Variants in PLEKHA5 observed in about 807,000 individuals in gnomAD.
PLEKHA5 encodes pleckstrin homology domain containing A5, also known as pleckstrin homology domain-containing family A member 5.
Under a neutral mutation model 181.9 loss-of-function variants are expected in PLEKHA5, and 55 were observed. The observed-to-expected ratio is 0.30, with a 90% CI of 0.24 to 0.38. PLEKHA5 has a LOEUF of 0.38. PLEKHA5 is among the 10% of genes least tolerant of loss of function. The pLI, the probability that PLEKHA5 is intolerant of heterozygous loss-of-function variation, is 1.00. For missense variants in PLEKHA5, 1,432 were observed against 1,549.5 expected (o/e 0.92, Z 1.27); for synonymous variants, 535 against 529.4 (o/e 1.01, Z -0.15).
intron 26 of PLEKHA5, among the ~76,000 whole-genome samples, chr12:19,356,218 A>G (rs1236275985): frequency 2.0e-5 from 3 of 151,790 alleles, no homozygotes; most frequent in Non-Finnish European, 2.9e-5. Context: ...AAGCAGAAAG[A>G]TACTAGCAGG....
intron 3 of PLEKHA5, among the ~76,000 whole-genome samples, chr12:19,230,359 C>T (rs900295441): frequency 8.4e-4 from 128 of 152,326 alleles, no homozygotes; most frequent in African/African-American, 3.0e-3. Context: ...GCCGTGCGCC[C>T]GCACTCCTCA....
intron 25 of PLEKHA5, among the ~76,000 whole-genome samples, chr12:19,351,191 C>T (rs934080478): frequency 6.6e-6 from 1 of 152,094 alleles, no homozygotes; most frequent in Non-Finnish European, 1.5e-5. Context: ...CTGCCTCAGC[C>T]TCCCAGAGTG....
At chr12:19,238,687 CA>C (rs1420947600) in intron 3 of PLEKHA5, among the ~76,000 whole-genome samples, 1 of 147,072 alleles carries the variant, frequency 6.8e-6, no homozygotes, top group Non-Finnish European at 1.5e-5. Flanking sequence ...ACATTTTAAA[CA>C]AAGATGTTTT....
At chr12:19,230,615 A>G (rs1045246413) in intron 3 of PLEKHA5, among the ~76,000 whole-genome samples, 5 of 152,150 alleles carry the variant, frequency 3.3e-5, no homozygotes, top group African/African-American at 1.2e-4. Context: ...TAAGCCCCTC[A>G]CTGCCTGGGG....
chr12:19,175,302 T>A (rs1485565950), intron 3 of PLEKHA5, among the ~76,000 whole-genome samples: 7 of 152,234 alleles, frequency 4.6e-5, no homozygotes, highest in Non-Finnish European at 1.5e-5. Context: ...TGAGTTGAAC[T>A]TGCATATTGT....
At chr12:19,228,571 G>GT (rs1449383663) in intron 3 of PLEKHA5, among the ~76,000 whole-genome samples, 5 of 152,168 alleles carry the variant, frequency 3.3e-5, no homozygotes, top group African/African-American at 9.7e-5. Context: ...TGAGGAAGAT[G>GT]TTATTAGACC....
intron 15 of PLEKHA5, among the ~76,000 whole-genome samples, chr12:19,297,578 C>T (rs1343834112): frequency 1.4e-5 from 2 of 146,676 alleles, no homozygotes; most frequent in East Asian, 2.0e-4. Flanking sequence ...GCCGAGATTG[C>T]GCCACTGCAG....
chr12:19,368,350 T>C (rs2095488797), intron 30 of PLEKHA5, among the ~76,000 whole-genome samples: 2 of 152,144 alleles, frequency 1.3e-5, no homozygotes, highest in Middle Eastern at 6.8e-3. Context: ...TTTTAAAAAA[T>C]TAGCCGGATG....
In PLEKHA5 at chr12:19,130,010, C is replaced by T. The variant is rs759405235; in HGVS notation, c.90-41C>T. On this transcript the variant is annotated intron_variant, in intron 1 of 31. Transcript: ENST00000429027. This position sits in a 1 kb window ranked among gnomAD's most constrained non-coding sequence, Gnocchi z 4.5. The stretch of plus-strand genomic sequence containing the variant: ...AGCCCCTCGGCTCGCCCCCGCGTCC[C>T]CTCTCACGCTCCGTGTCTGCCCCTT... The T allele has an allele frequency of 4.6e-6, 7 of 1,512,934 alleles. No individual in the cohort carries two copies. Among genetic ancestry groups the T allele is most frequent in the South Asian group, 1.2e-5 (1 of 83,542 alleles). The allele number at this position is 1,512,934 out of a possible 1,614,324, so 93.7% of individuals were successfully genotyped here.
chr12:19,181,779 C>CA (rs1342493394), intron 3 of PLEKHA5, among the ~76,000 whole-genome samples: 2 of 152,006 alleles, frequency 1.3e-5, no homozygotes, highest in East Asian at 1.9e-4. Flanking sequence ...GACTCTGACT[C>CA]AAAAAAAGCC....
At chr12:19,187,660 G>C (rs2050165799) in intron 3 of PLEKHA5, among the ~76,000 whole-genome samples, 1 of 152,182 alleles carries the variant, frequency 6.6e-6, no homozygotes, top group Admixed American at 6.5e-5. Context: ...GATCTTTTTA[G>C]TGTGGAAGGG....
At chr12:19,273,118 C>T (rs541983848) in intron 10 of PLEKHA5, among the ~76,000 whole-genome samples, 10 of 152,130 alleles carry the variant, frequency 6.6e-5, no homozygotes, top group East Asian at 1.9e-4. Flanking sequence ...CATTTTGGCC[C>T]GGCTGGTCTC....
At chr12:19,214,673 A>G (rs1392048113) in intron 3 of PLEKHA5, among the ~76,000 whole-genome samples, 1 of 152,088 alleles carries the variant, frequency 6.6e-6, no homozygotes, top group African/African-American at 2.4e-5. Flanking sequence ...TGCTTGGGGC[A>G]TGGGAGTGAT....
rs902369185 is a variant in PLEKHA5, at chr12:19,376,242, C to A, written c.*723C>A. On this transcript the variant is annotated 3_prime_UTR_variant, in exon 32 of 32. Transcript: ENST00000429027. ...ACAGCAATAAGCAGGTTTCCAAATC[C>A]GGTACTTAGTTTGTGTACAAATGTA... is the stretch of plus-strand genomic sequence containing the variant. 6.6e-6 allele frequency: 1 copy of A among 151,940 alleles called. No homozygotes were observed. The highest frequency in any genetic ancestry group is 1.5e-5 in the Non-Finnish European group (1 of 67,962). The allele number at this position is 151,940 out of a possible 1,614,324, so 9.4% of individuals were successfully genotyped here. A position where few individuals can be genotyped will look rare whatever the true frequency, so the allele number is the denominator to read the frequency against.
At chr12:19,263,749 AT>A (rs1306125519) in intron 7 of PLEKHA5, among the ~76,000 whole-genome samples, 1 of 152,170 alleles carries the variant, frequency 6.6e-6, no homozygotes, top group African/African-American at 2.4e-5. Flanking sequence ...GGAGATTAAT[AT>A]GTAGAAAGCT....
chr12:19,193,201 GT>G (rs1244659871), intron 3 of PLEKHA5, among the ~76,000 whole-genome samples: 2 of 152,194 alleles, frequency 1.3e-5, no homozygotes, highest in African/African-American at 2.4e-5. Flanking sequence ...TGTTAATGTG[GT>G]TTTGATTTTT....
chr12:19,250,738 C>T (rs186136562), intron 3 of PLEKHA5, among the ~76,000 whole-genome samples: 1 of 151,240 alleles, frequency 6.6e-6, no homozygotes. Context: ...TAAGTGACAC[C>T]TTGTTTCAGT....
chr12:19,298,600 C>G, intron 15 of PLEKHA5, among the ~76,000 whole-genome samples: 1 of 151,352 alleles, frequency 6.6e-6, no homozygotes. Flanking sequence ...AACTCCTGCC[C>G]TCAGGTGATC....
chr12:19,326,916 G>A (rs570314641), intron 20 of PLEKHA5, among the ~76,000 whole-genome samples: 1 of 152,340 alleles, frequency 6.6e-6, no homozygotes, highest in South Asian at 2.1e-4. Flanking sequence ...TGTTATGGTT[G>A]TGTAGTACCG....
Sources: allele counts gnomAD v4.1 joint callset (sites outside exome capture counted in the v4.1 genomes callset), GRCh38; gene constraint gnomAD v4.1.1; non-coding constraint Gnocchi (gnomAD v3.1); transcripts MANE v1.5; gene names NCBI Gene and HGNC (gene_info 2026-07-23, HGNC 2026-07-21).